Variants in MYT1L observed in about 807,000 individuals in gnomAD.
The protein encoded by MYT1L is myelin transcription factor 1 like, also known as myelin transcription factor 1-like protein.
In MYT1L, 12 loss-of-function variants were observed where a neutral mutation model predicts 126.7. That is an observed-to-expected ratio of 0.09 (90% CI 0.06 to 0.15). The LOEUF is 0.15. MYT1L is among the 10% of genes least tolerant of loss of function. The pLI is 1.00. For missense variants in MYT1L, 979 were observed against 1,585.2 expected (o/e 0.62, Z 6.49); for synonymous variants, 541 against 604.2 (o/e 0.90, Z 1.53).
intron 21 of MYT1L, among the ~76,000 whole-genome samples, chr2:1,837,622 G>A (rs987449576): frequency 6.6e-6 from 1 of 152,086 alleles, no homozygotes; most frequent in Non-Finnish European, 1.5e-5. Flanking sequence ...AGGACACCAG[G>A]TGGCACGTGC....
At chr2:1,850,841 AT>A (rs2043178098) in intron 19 of MYT1L, among the ~76,000 whole-genome samples, 1 of 151,822 alleles carries the variant, frequency 6.6e-6, no homozygotes, top group Non-Finnish European at 1.5e-5. Context: ...ACTGACCCCA[AT>A]CTGCTCCTTG....
chr2:1,962,960 C>T (rs1412634650), intron 8 of MYT1L, among the ~76,000 whole-genome samples: 3 of 152,182 alleles, frequency 2.0e-5, no homozygotes, highest in Non-Finnish European at 2.9e-5. Context: ...CACGAATGTA[C>T]TTAATGGCAA....
chr2:2,033,952 G>C (rs73913043), intron 4 of MYT1L, among the ~76,000 whole-genome samples: 38 of 152,106 alleles, frequency 2.5e-4, no homozygotes, highest in African/African-American at 9.2e-4. Context: ...TTACAGAGAG[G>C]GTCAGCTCAA....
In MYT1L at chr2:2,193,459, C is replaced by T. The variant is rs183632045; in HGVS notation, c.-420-20471G>A. ...CAGAATGTCCTCCTGCGGCTGCACACGGTCAGTTGTCTCCCCAGGATTTGG... is the reference window on the plus strand; with the variant it reads ...CAGAATGTCCTCCTGCGGCTGCACATGGTCAGTTGTCTCCCCAGGATTTGG... On this transcript the variant is annotated intron_variant, in intron 2 of 24. Transcript: ENST00000647738. 2.7e-3 allele frequency among the ~76,000 whole-genome samples: 410 copies of T among 152,288 alleles called. 8 individuals are homozygous for T. The highest frequency in any genetic ancestry group is 0.023 in the Admixed American group (350 of 15,298).
intron 2 of MYT1L, among the ~76,000 whole-genome samples, chr2:2,181,181 T>C (rs2091466283): frequency 6.6e-6 from 1 of 151,970 alleles, no homozygotes; most frequent in Non-Finnish European, 1.5e-5. Flanking sequence ...CATGTATCTG[T>C]ACCTATGATC....
At chr2:2,071,087 A>G (rs577934294) in intron 3 of MYT1L, among the ~76,000 whole-genome samples, 10 of 152,354 alleles carry the variant, frequency 6.6e-5, no homozygotes, top group African/African-American at 2.4e-4. Context: ...CAATGTACAG[A>G]TAAATCCTGA....
In MYT1L at chr2:1,943,269, G is replaced by C. The variant is rs1476166601; in HGVS notation, c.218C>G (p.Pro73Arg). The C allele has an allele frequency of 1.3e-6, 2 of 1,563,112 alleles. No individual in the cohort carries two copies. The highest frequency in any genetic ancestry group is 4.7e-5 in the East Asian group (2 of 42,338). Residue 73 changes from proline (P) to arginine (R), a missense_variant, in exon 9 of 25, where the codon CCT becomes CGT. Pro to Arg is a moderately radical substitution (Grantham distance 103, BLOSUM62 -2). This residue lies in a region of MYT1L where 111 missense variants were observed against 115.9 expected (regional missense o/e 0.96). Coordinates refer to ENST00000647738, the MANE Select transcript of MYT1L (RefSeq NM_001303052.2). The surrounding 1 kb of genome is among the most constrained non-coding windows in gnomAD (Gnocchi z 4.4). ...TTTCACGGCAAATGGCTTTCGTTTA[G>C]GAGCAGGTTCCTGGGGCTGTTTATC... ...TQDKQPQEPA[P>R]KRKPFAVKAD...
intron 3 of MYT1L, among the ~76,000 whole-genome samples, chr2:2,095,019 CAGTCCAG>C (rs2077296217): frequency 6.6e-6 from 1 of 152,214 alleles, no homozygotes; most frequent in Non-Finnish European, 1.5e-5. Flanking sequence ...CCAAGGAACC[CAGTCCAG>C]CAGGGGTCTC....
At chr2:1,875,222 G>A (rs1160817673) in intron 18 of MYT1L, among the ~76,000 whole-genome samples, 1 of 152,120 alleles carries the variant, frequency 6.6e-6, no homozygotes, top group Non-Finnish European at 1.5e-5. Context: ...TCGCTGCGGG[G>A]AAAGGTCACA....
intron 19 of MYT1L, among the ~76,000 whole-genome samples, chr2:1,843,992 A>C (rs1363084884): frequency 6.6e-6 from 1 of 152,194 alleles, no homozygotes. Flanking sequence ...AGGAGCTCTC[A>C]TCTGAAAGCC....
In MYT1L at chr2:1,797,917, C is replaced by T. The variant is rs1245831466; in HGVS notation, c.3276+3779G>A. ...GTCTCCCCCTTCTCCGGCACAGGCG[C>T]GGCGGTCTCCCCCTTCTCCGGCACA... On this transcript the variant is annotated intron_variant, in intron 23 of 24. Coordinates refer to ENST00000647738, the MANE Select transcript of MYT1L (RefSeq NM_001303052.2). Among the ~76,000 whole-genome samples, 15 of 60,270 alleles carry T rather than the reference C, an allele frequency of 2.5e-4. 1 individual carries two copies. The highest frequency in any genetic ancestry group is 8.7e-4 in the African/African-American group (13 of 14,866). The allele number at this position is 60,270 out of a possible 152,430, so 39.5% of individuals were successfully genotyped here. A position where few individuals can be genotyped will look rare whatever the true frequency, so the allele number is the denominator to read the frequency against.
intron 8 of MYT1L, among the ~76,000 whole-genome samples, chr2:1,951,259 G>A (rs2057726222): frequency 6.6e-6 from 1 of 152,028 alleles, no homozygotes; most frequent in Admixed American, 6.6e-5. Flanking sequence ...GGGGAAAGAG[G>A]CAGTTTCCTG....
At position 2,262,939 on chromosome 2, in the gene MYT1L, G is replaced by GATATATATATATATATATATAT. The variant is rs60682131; in HGVS notation, c.-421+21464_-421+21465insATATATATATATATATATATAT. ...AAATATATATATATATATAACCTGTGATATATATATATATATCACAGGTAA... is the reference window on the plus strand; with the variant it reads ...AAATATATATATATATATAACCTGTGATATATATATATATATATATATATATATATATATATATCACAGGTAA... On this transcript the variant is annotated intron_variant, in intron 2 of 24. Transcript: ENST00000647738. Among the ~76,000 whole-genome samples, 180 of 50,960 alleles carry GATATATATATATATATATATAT rather than the reference G, an allele frequency of 3.5e-3. 5 individuals are homozygous for GATATATATATATATATATATAT. The highest frequency in any genetic ancestry group is 0.014 in the East Asian group (6 of 438). 33.4% of individuals were successfully genotyped at this position (50,960 alleles called of 152,430 possible).
intron 1 of MYT1L, chr2:2,304,066 C>T (rs1365757262): frequency 6.6e-6 from 1 of 151,898 alleles, no homozygotes; most frequent in Admixed American, 6.6e-5. Flanking sequence ...AAACAAGAAA[C>T]AAAAAAGACA....
chr2:2,185,353 C>G (rs1356356459), intron 2 of MYT1L, among the ~76,000 whole-genome samples: 1 of 152,234 alleles, frequency 6.6e-6, no homozygotes, highest in Non-Finnish European at 1.5e-5. Flanking sequence ...ATTTTAATAG[C>G]TCTGTTCAAA....
At chr2:2,139,174 C>A (rs2083551804) in intron 3 of MYT1L, among the ~76,000 whole-genome samples, 1 of 151,910 alleles carries the variant, frequency 6.6e-6, no homozygotes, top group Non-Finnish European at 1.5e-5. Flanking sequence ...CATGGCGTCT[C>A]CTCCTCCCAT....
intron 2 of MYT1L, among the ~76,000 whole-genome samples, chr2:2,193,226 C>T (rs2148758968): frequency 6.6e-6 from 1 of 152,284 alleles, no homozygotes; most frequent in South Asian, 2.1e-4. Flanking sequence ...GATCCACCCA[C>T]CTTGGCCTCC....
intron 3 of MYT1L, among the ~76,000 whole-genome samples, chr2:2,136,354 G>A (rs1044552712): frequency 2.0e-5 from 3 of 152,194 alleles, no homozygotes; most frequent in East Asian, 1.9e-4. Flanking sequence ...AAATTCTTCC[G>A]CTCCTCACCG....
At chr2:2,282,238 C>T (rs116060615) in intron 2 of MYT1L, among the ~76,000 whole-genome samples, 1,960 of 152,234 alleles carry the variant, frequency 0.013, 18 homozygotes, top group Admixed American at 0.019. Context: ...GTGTATTGCA[C>T]GTAGTAGGCA....
Sources: gnomAD v4.1 joint callset for allele counts (sites outside exome capture counted in the v4.1 genomes callset) on GRCh38, gnomAD v4.1.1 for gene constraint, gnomAD v4.1.1 regional missense constraint, Gnocchi (gnomAD v3.1) non-coding constraint, MANE v1.5 for transcripts, NCBI Gene and HGNC (gene_info 2026-07-23, HGNC 2026-07-21) for gene names.